Variants in PARD6G observed in about 807,000 individuals in gnomAD.
The protein encoded by PARD6G is par-6 family cell polarity regulator gamma.
In PARD6G, 7 loss-of-function variants were observed where a neutral mutation model predicts 10.7. The ratio of observed to expected loss-of-function variants is 0.66; its 90% CI spans 0.37 to 1.23. PARD6G has a LOEUF of 1.23. Ranked by LOEUF, PARD6G falls within the 50% of genes most tolerant of loss-of-function variation. The probability of loss-of-function intolerance (pLI) is 0.02; values close to 1 mark genes in which losing one functional copy is unlikely to be tolerated. For missense variants in PARD6G, 548 were observed against 571.8 expected (o/e 0.96, Z 0.42); for synonymous variants, 287 against 269.4 (o/e 1.07, Z -0.64).
At chr18:80,239,987 G>T (rs926141535) in intron 1 of PARD6G, among the ~76,000 whole-genome samples, 1 of 152,222 alleles carries the variant, frequency 6.6e-6, no homozygotes, top group Non-Finnish European at 1.5e-5. Context: ...CATGTGCAGA[G>T]ATCATGTGGC....
intron 2 of PARD6G, among the ~76,000 whole-genome samples, chr18:80,164,141 A>G (rs1374306690): frequency 6.6e-6 from 1 of 152,208 alleles, no homozygotes; most frequent in African/African-American, 2.4e-5. Context: ...CCCCACACAC[A>G]GAGCCTGGAC....
At chr18:80,211,175 T>C (rs1967104319) in intron 1 of PARD6G, among the ~76,000 whole-genome samples, 1 of 152,324 alleles carries the variant, frequency 6.6e-6, no homozygotes, top group East Asian at 1.9e-4. Flanking sequence ...TTATATTTCT[T>C]ATGATAAAAA....
At chr18:80,244,966 C>G (rs1194452575) in intron 1 of PARD6G, among the ~76,000 whole-genome samples, 3 of 152,172 alleles carry the variant, frequency 2.0e-5, no homozygotes, top group African/African-American at 7.2e-5. Context: ...GAGGGCACAA[C>G]AGCAAGTCCA....
At chr18:80,193,739 C>T (rs1202012675) in intron 2 of PARD6G, among the ~76,000 whole-genome samples, 1 of 152,206 alleles carries the variant, frequency 6.6e-6, no homozygotes, top group Non-Finnish European at 1.5e-5. Flanking sequence ...CAGCATGTGG[C>T]TCCGAGTGGA....
chr18:80,229,950 G>A (rs1403345097), intron 1 of PARD6G, among the ~76,000 whole-genome samples: 3 of 152,222 alleles, frequency 2.0e-5, no homozygotes, highest in African/African-American at 4.8e-5. Context: ...GCTCCAGGAC[G>A]TGCTGGGGGC....
At chr18:80,193,998 G>C (rs909349462) in intron 2 of PARD6G, among the ~76,000 whole-genome samples, 3 of 152,176 alleles carry the variant, frequency 2.0e-5, no homozygotes, top group Admixed American at 2.0e-4. Context: ...AAAGTACAGA[G>C]ATATGGGGCA....
rs1197641803 is a variant in PARD6G at position 80,160,196 on chromosome 18, T to G, written c.706A>C (p.Met236Leu). 1.2e-6 allele frequency: 2 copies of G among 1,613,180 alleles called. No individual in the cohort carries two copies. Among genetic ancestry groups the G allele is most frequent in the African/African-American group, 2.7e-5 (2 of 75,012 alleles). Residue 236 changes from methionine to leucine, a missense_variant, in exon 3 of 3, where the codon ATG (methionine) becomes CTG (leucine). Transcript: ENST00000353265. ...GKTLDQVTDM[M>L]IANSHNLIVT... ...ATGAGGTTGTGGCTGTTGGCGATCA[T>G]CATGTCCGTGACCTGGTCCAGCGTC...
At position 80,180,567 on chromosome 18, in the gene PARD6G, C is replaced by G. The variant is rs1205793348; in HGVS notation, c.296-19961G>C. On this transcript the variant is annotated intron_variant, in intron 2 of 2. Coordinates refer to ENST00000353265, the MANE Select transcript of PARD6G (RefSeq NM_032510.4). This position sits in a 1 kb window ranked among gnomAD's most constrained non-coding sequence, Gnocchi z 5.6. ...GCACACTGCGGCCTCTGGGTGTTTT[C>G]AGAACGGCAATCACATTCTCAAGCT... Among the ~76,000 whole-genome samples, 1 of 152,152 alleles carries G rather than the reference C, an allele frequency of 6.6e-6. No individual in the cohort carries two copies.
intron 2 of PARD6G, chr18:80,170,292 G>A (rs1219255610): frequency 1.3e-5 from 2 of 152,264 alleles, no homozygotes; most frequent in East Asian, 1.9e-4. Flanking sequence ...AGAAAACTCT[G>A]TCTTCAAACC....
At chr18:80,225,085 C>T (rs930616485) in intron 1 of PARD6G, among the ~76,000 whole-genome samples, 1 of 152,178 alleles carries the variant, frequency 6.6e-6, no homozygotes, top group Non-Finnish European at 1.5e-5. Context: ...TAGGATGTCA[C>T]GCTTTTGCTG....
At chr18:80,191,040 G>A (rs1224564005) in intron 2 of PARD6G, among the ~76,000 whole-genome samples, 2 of 152,160 alleles carry the variant, frequency 1.3e-5, no homozygotes, top group African/African-American at 4.8e-5. Context: ...ACTGTGGCAG[G>A]GCCAGCGTGT....
At position 80,202,836 on chromosome 18, in the gene PARD6G, T is replaced by C; in HGVS notation, c.169A>G (p.Asn57Asp). ...KLVVHTHHISNSDVTIGYADV... is the reference protein window; with the variant it reads ...KLVVHTHHISDSDVTIGYADV... The stretch of plus-strand genomic sequence containing the variant: ...GCATAGCCAATAGTTACATCACTGT[T>C]GGAGATATGGTGGGTGTGCACAACC... The change falls in exon 2 of 3, where the codon AAC becomes GAC. Residue 57 changes from asparagine to aspartate, a missense_variant. Coordinates refer to ENST00000353265, the MANE Select transcript of PARD6G (RefSeq NM_032510.4). The C allele has an allele frequency of 6.2e-7, 1 of 1,613,060 alleles. No individual in the cohort carries two copies. The highest frequency in any genetic ancestry group is 8.5e-7 in the Non-Finnish European group (1 of 1,179,808).
intron 1 of PARD6G, among the ~76,000 whole-genome samples, chr18:80,227,843 C>T (rs1187787571): frequency 1.3e-5 from 2 of 151,774 alleles, no homozygotes; most frequent in Admixed American, 1.3e-4. Flanking sequence ...CCGGGAACCA[C>T]CAGACCACCA....
At chr18:80,186,404 C>T (rs150852144) in intron 2 of PARD6G, among the ~76,000 whole-genome samples, 1 of 148,006 alleles carries the variant, frequency 6.8e-6, no homozygotes, top group African/African-American at 2.6e-5. Context: ...CACATGCATG[C>T]ACCCTCACAC....
intron 1 of PARD6G, among the ~76,000 whole-genome samples, chr18:80,244,568 T>G (rs964504228): frequency 2.0e-5 from 3 of 152,212 alleles, no homozygotes; most frequent in Non-Finnish European, 4.4e-5. Flanking sequence ...CCTGCAGTAT[T>G]TAACTCAAAG....
intron 2 of PARD6G, among the ~76,000 whole-genome samples, chr18:80,173,597 T>A (rs886277991): frequency 1.3e-5 from 2 of 151,164 alleles, no homozygotes; most frequent in African/African-American, 4.9e-5. Context: ...TGCACTCCAA[T>A]CTAGGTGTCA....
chr18:80,243,011 G>A (rs1967506646), intron 1 of PARD6G, among the ~76,000 whole-genome samples: 1 of 152,158 alleles, frequency 6.6e-6, no homozygotes, highest in African/African-American at 2.4e-5. Context: ...CGCACTCAAA[G>A]CCTGTAAAAG....
intron 1 of PARD6G, among the ~76,000 whole-genome samples, chr18:80,213,581 A>G (rs768794013): frequency 8.5e-5 from 13 of 152,260 alleles, no homozygotes; most frequent in Non-Finnish European, 5.9e-5. Context: ...TACAGACTTC[A>G]TAGAATTAGT....
intron 2 of PARD6G, among the ~76,000 whole-genome samples, chr18:80,191,704 T>C (rs1480821222): frequency 2.0e-5 from 3 of 152,244 alleles, no homozygotes; most frequent in Non-Finnish European, 4.4e-5. Context: ...GTCAGACACC[T>C]AAGTGGGACC....
Sources: gnomAD v4.1 joint callset for allele counts (sites outside exome capture counted in the v4.1 genomes callset) on GRCh38, gnomAD v4.1.1 for gene constraint, Gnocchi (gnomAD v3.1) non-coding constraint, MANE v1.5 for transcripts, NCBI Gene and HGNC (gene_info 2026-07-23, HGNC 2026-07-21) for gene names.